The following ALG9 variants were observed in gnomAD, a reference collection of about 807,000 sequenced individuals.
ALG9 encodes the protein alpha-1,2-mannosyltransferase ALG9.
In ALG9, 55 loss-of-function variants were observed where a neutral mutation model predicts 81.8. The observed-to-expected ratio is 0.67, with a 90% CI of 0.54 to 0.84. The LOEUF (loss-of-function observed/expected upper bound fraction) is 0.84, where lower values mean the gene tolerates loss of function less well. Among genes scored for constraint, ALG9 ranks in the 40% least tolerant of loss-of-function variants. The pLI, the probability that ALG9 is intolerant of heterozygous loss-of-function variation, is 0.00. For missense variants in ALG9, 629 were observed against 745.0 expected (o/e 0.84, Z 1.81); for synonymous variants, 278 against 274.3 (o/e 1.01, Z -0.13).
the ALG9 span, among the ~76,000 whole-genome samples, chr11:111,770,126 A>G: frequency 1.3e-4 from 20 of 152,196 alleles, no homozygotes; most frequent in African/African-American, 4.8e-4. Context: ...CTGCAGCAGA[A>G]AAAAAGGCTA....
chr11:111,768,655 T>G, the ALG9 span: 2 of 124,418 alleles, frequency 1.6e-5, no homozygotes, highest in South Asian at 2.2e-4. Flanking sequence ...ATTATTGTGT[T>G]GTGTGTGTGT....
intron 14 of ALG9, among the ~76,000 whole-genome samples, chr11:111,790,884 A>T (rs1259033962): frequency 1.3e-5 from 2 of 152,220 alleles, no homozygotes; most frequent in African/African-American, 4.8e-5. Context: ...GCCACCTAGA[A>T]AGGCAGTTTT....
Position 111,853,670 on chromosome 11 carries a change from C to T in ALG9, c.768G>A (p.Leu256=), listed in dbSNP as rs1958184077. 1 of 1,614,038 alleles carries T rather than the reference C, an allele frequency of 6.2e-7. No individual in the cohort carries two copies. Among genetic ancestry groups the T allele is most frequent in the South Asian group, 1.1e-5 (1 of 91,086 alleles). The change falls in exon 7 of 15, where the codon CTG becomes CTA. Residue 256 remains leucine (L), a synonymous_variant. Coordinates refer to ENST00000616540, the MANE Select transcript of ALG9 (RefSeq NM_024740.2). ...TCACCAGAAATAGTATGAGGGCCAT[C>T]AGCGACCAATGAAAGAAACTCTTCC... ...HRWKSFFHWS[L]MALILFLVPV...
At chr11:111,848,046 G>A (rs1295252240) in intron 8 of ALG9, among the ~76,000 whole-genome samples, 3 of 152,082 alleles carry the variant, frequency 2.0e-5, no homozygotes, top group Admixed American at 6.6e-5. Flanking sequence ...CAAAGAACAC[G>A]GGCTTTGAAG....
At chr11:111,810,714 C>A (rs1950576791) in intron 13 of ALG9, among the ~76,000 whole-genome samples, 1 of 152,180 alleles carries the variant, frequency 6.6e-6, no homozygotes, top group South Asian at 2.1e-4. Flanking sequence ...CAAGATCATG[C>A]CACTGCATTC....
chr11:111,806,588 C>T (rs1949964762), intron 14 of ALG9, among the ~76,000 whole-genome samples: 1 of 152,166 alleles, frequency 6.6e-6, no homozygotes, highest in Non-Finnish European at 1.5e-5. Flanking sequence ...CTAATCTCTA[C>T]ACACTGGAGT....
chr11:111,774,317 G>A, the ALG9 span, among the ~76,000 whole-genome samples: 130 of 152,166 alleles, frequency 8.5e-4, no homozygotes, highest in African/African-American at 2.3e-3. Flanking sequence ...CACAGATTGC[G>A]GTGAGCCGAG....
At chr11:111,845,970 A>G (rs574529604) in intron 8 of ALG9, among the ~76,000 whole-genome samples, 2 of 152,352 alleles carry the variant, frequency 1.3e-5, no homozygotes, top group African/African-American at 2.4e-5. Flanking sequence ...TCCTGTCTCA[A>G]TACAATGATA....
downstream of ALG9, among the ~76,000 whole-genome samples, chr11:111,778,741 GCCTGGGCCCAC>G (rs1394649296): frequency 2.0e-5 from 3 of 151,796 alleles, no homozygotes; most frequent in African/African-American, 4.8e-5. Flanking sequence ...CATAATGGAT[GCCTGGGCCCAC>G]CCTCGACCAC....
chr11:111,817,013 TAAAGAGAAAAC>T (rs1951587210), intron 13 of ALG9, among the ~76,000 whole-genome samples: 1 of 152,016 alleles, frequency 6.6e-6, no homozygotes, highest in South Asian at 2.1e-4. Flanking sequence ...TAATAAAAGT[TAAAGAGAAAAC>T]AGAGGGAAAA....
chr11:111,826,218 T>C (rs1244983797), intron 13 of ALG9, among the ~76,000 whole-genome samples: 1 of 151,200 alleles, frequency 6.6e-6, no homozygotes, highest in Non-Finnish European at 1.5e-5. Flanking sequence ...AGACCCTGTC[T>C]CTACAAAAAA....
chr11:111,824,297 G>C (rs1592084605), intron 13 of ALG9, among the ~76,000 whole-genome samples: 2 of 137,352 alleles, frequency 1.5e-5, no homozygotes, highest in East Asian at 5.9e-4. Flanking sequence ...ACTAAATTAG[G>C]AAACAAAAGA....
intron 13 of ALG9, among the ~76,000 whole-genome samples, chr11:111,833,243 T>C (rs1477501463): frequency 6.6e-6 from 1 of 152,138 alleles, no homozygotes; most frequent in Non-Finnish European, 1.5e-5. Context: ...AAATGTGAAT[T>C]TTTCAAGAAC....
intron 5 of ALG9, 141 bp downstream of exon 5, chr11:111,860,406 G>A (rs1555146827): frequency 2.5e-5 from 19 of 757,126 alleles, no homozygotes; most frequent in Middle Eastern, 3.4e-4. Context: ...TTATTGACAT[G>A]TTCTACAAAT....
At chr11:111,788,291 C>T (rs1053898974) in intron 14 of ALG9, 8 of 394,140 alleles carry the variant, frequency 2.0e-5, no homozygotes, top group African/African-American at 6.3e-5. Flanking sequence ...CCAACTAGGA[C>T]GCTGGCAGTG....
chr11:111,808,680 C>G (rs1257973243), intron 14 of ALG9, among the ~76,000 whole-genome samples: 1 of 152,202 alleles, frequency 6.6e-6, no homozygotes, highest in Non-Finnish European at 1.5e-5. Flanking sequence ...AGCCCCAGAC[C>G]TGACTCTCAG....
At chr11:111,866,790 CA>C (rs373001798) in intron 3 of ALG9, among the ~76,000 whole-genome samples, 210 of 143,356 alleles carry the variant, frequency 1.5e-3, no homozygotes, top group African/African-American at 4.3e-3. Flanking sequence ...TTGACAAGTT[CA>C]AAAAAAAAAA....
intron 13 of ALG9, among the ~76,000 whole-genome samples, chr11:111,828,539 G>A (rs1174819433): frequency 6.6e-6 from 1 of 152,106 alleles, no homozygotes; most frequent in Non-Finnish European, 1.5e-5. Context: ...TATAATTTGT[G>A]GAAAGAGTAG....
At chr11:111,822,460 G>GT (rs1952580892) in intron 13 of ALG9, among the ~76,000 whole-genome samples, 1 of 115,190 alleles carries the variant, frequency 8.7e-6, no homozygotes, top group African/African-American at 3.3e-5. Flanking sequence ...ACCTGTAATT[G>GT]TAACACTTTG....
Sources: gnomAD v4.1 joint callset for allele counts (sites outside exome capture counted in the v4.1 genomes callset) on GRCh38, gnomAD v4.1.1 for gene constraint, MANE v1.5 for transcripts, NCBI Gene and HGNC (gene_info 2026-07-23, HGNC 2026-07-21) for gene names.